Variants in PDZRN4 observed in about 807,000 individuals in gnomAD.
PDZRN4 encodes the protein PDZ domain-containing RING finger protein 4.
In PDZRN4, 70 loss-of-function variants were observed where a neutral mutation model predicts 99.0. The observed-to-expected ratio is 0.71, with a 90% CI of 0.58 to 0.86. The LOEUF is 0.86. Ranked by LOEUF, PDZRN4 falls within the 40% of genes least tolerant of loss-of-function variation. The pLI is 0.00. For missense variants in PDZRN4, 1,474 were observed against 1,331.2 expected (o/e 1.11, Z -1.67); for synonymous variants, 551 against 501.6 (o/e 1.10, Z -1.32).
chr12:41,571,368 TCTCTCTCTCACACA>T (rs1191829178), intron 9 of PDZRN4, among the ~76,000 whole-genome samples: 25 of 96,882 alleles, frequency 2.6e-4, no homozygotes, highest in African/African-American at 1.7e-4. Flanking sequence ...TCTCTCTCTC[TCTCTCTCTCACACA>T]CACACACACA....
At chr12:41,306,371 T>C (rs1951569606) in intron 3 of PDZRN4, among the ~76,000 whole-genome samples, 1 of 152,232 alleles carries the variant, frequency 6.6e-6, no homozygotes, top group African/African-American at 2.4e-5. Flanking sequence ...GGGGCCATTC[T>C]TTCCTTTTCT....
At chr12:41,384,831 C>T (rs1354906487) in intron 3 of PDZRN4, among the ~76,000 whole-genome samples, 1 of 152,144 alleles carries the variant, frequency 6.6e-6, no homozygotes. Context: ...GAAGTAACAG[C>T]AATGCCCAAC....
rs79979060 is a variant in PDZRN4, at chr12:41,235,285, G to T, written c.843+41097G>T. Among the ~76,000 whole-genome samples, 429 of 152,132 alleles carry T rather than the reference G, an allele frequency of 2.8e-3. 7 individuals carry two copies. In the East Asian group the frequency reaches 0.028, roughly 10 times the overall value. On this transcript the variant is annotated intron_variant, in intron 3 of 9. Transcript: ENST00000402685. ...TCACCTGATGTATTATTGTGCCATT[G>T]TGTTTCTTTTGCAACAATATATACC...
chr12:41,207,928 C>A, intron 3 of PDZRN4, among the ~76,000 whole-genome samples: 1 of 147,692 alleles, frequency 6.8e-6, no homozygotes, highest in Admixed American at 7.0e-5. Context: ...AATTGAATTA[C>A]AGTATTAGCC....
intron 3 of PDZRN4, among the ~76,000 whole-genome samples, chr12:41,390,195 C>A (rs1952199926): frequency 6.6e-6 from 1 of 152,036 alleles, no homozygotes; most frequent in Non-Finnish European, 1.5e-5. Flanking sequence ...ATTTATTAGA[C>A]TTTAAGAGCA....
intron 3 of PDZRN4, among the ~76,000 whole-genome samples, chr12:41,456,068 T>G (rs1310236161): frequency 6.6e-6 from 1 of 152,216 alleles, no homozygotes; most frequent in Admixed American, 6.5e-5. Context: ...TAAGCCCACA[T>G]TTTCTCTCAA....
chr12:41,267,274 C>T (rs781659431), intron 3 of PDZRN4, among the ~76,000 whole-genome samples: 2 of 152,080 alleles, frequency 1.3e-5, no homozygotes, highest in Non-Finnish European at 2.9e-5. Flanking sequence ...CCCTCCTGTG[C>T]CTGTGGCAGA....
chr12:41,463,797 A>G (rs1467745178), intron 3 of PDZRN4, among the ~76,000 whole-genome samples: 1 of 152,212 alleles, frequency 6.6e-6, no homozygotes, highest in Non-Finnish European at 1.5e-5. Flanking sequence ...ATTTATTATC[A>G]GAAAACAACT....
At chr12:41,199,195 A>G (rs1950798509) in intron 3 of PDZRN4, among the ~76,000 whole-genome samples, 1 of 152,200 alleles carries the variant, frequency 6.6e-6, no homozygotes, top group South Asian at 2.1e-4. Context: ...ACAAGTTTCT[A>G]TAGGTCACCT....
At chr12:41,545,991 T>A (rs1938943820) in intron 5 of PDZRN4, among the ~76,000 whole-genome samples, 1 of 152,022 alleles carries the variant, frequency 6.6e-6, no homozygotes, top group Non-Finnish European at 1.5e-5. Context: ...AGTGGGCGGT[T>A]TTTGTTGGAA....
At chr12:41,422,764 G>C (rs996153165) in intron 3 of PDZRN4, among the ~76,000 whole-genome samples, 3 of 152,142 alleles carry the variant, frequency 2.0e-5, no homozygotes, top group African/African-American at 7.2e-5. Context: ...AGATTTGGGT[G>C]GGGACACAGA....
chr12:41,353,207 T>A (rs1366418322), intron 3 of PDZRN4, among the ~76,000 whole-genome samples: 1 of 152,156 alleles, frequency 6.6e-6, no homozygotes, highest in Non-Finnish European at 1.5e-5. Flanking sequence ...TTGCAATGAC[T>A]GAATGCACCA....
intron 3 of PDZRN4, among the ~76,000 whole-genome samples, chr12:41,323,215 AT>A (rs1331044173): frequency 3.3e-5 from 5 of 152,194 alleles, no homozygotes; most frequent in African/African-American, 1.2e-4. Flanking sequence ...CAGGAGGACT[AT>A]GCTGGAACAG....
At chr12:41,284,901 A>C (rs980804795) in intron 3 of PDZRN4, among the ~76,000 whole-genome samples, 4 of 152,200 alleles carry the variant, frequency 2.6e-5, no homozygotes, top group Admixed American at 2.0e-4. Context: ...AAACCTTAAA[A>C]ACCCTAGAAG....
At chr12:41,422,652 A>G (rs954524468) in intron 3 of PDZRN4, among the ~76,000 whole-genome samples, 1 of 152,062 alleles carries the variant, frequency 6.6e-6, no homozygotes, top group Admixed American at 6.6e-5. Flanking sequence ...CTCTCCGAAG[A>G]ACTCACTTAC....
chr12:41,242,780 G>A (rs774045787), intron 3 of PDZRN4, among the ~76,000 whole-genome samples: 22 of 152,054 alleles, frequency 1.4e-4, no homozygotes, highest in African/African-American at 5.1e-4. Context: ...CCCTTAACAC[G>A]TTGGAGAGGA....
At chr12:41,316,315 G>C (rs1262499290) in intron 3 of PDZRN4, among the ~76,000 whole-genome samples, 1 of 152,100 alleles carries the variant, frequency 6.6e-6, no homozygotes, top group Non-Finnish European at 1.5e-5. Context: ...GAAGCAATGA[G>C]GAAGAGGATC....
At chr12:41,506,131 T>C (rs965589281) in intron 3 of PDZRN4, among the ~76,000 whole-genome samples, 3 of 152,112 alleles carry the variant, frequency 2.0e-5, no homozygotes, top group Non-Finnish European at 4.4e-5. Flanking sequence ...ATACTTAACA[T>C]TTCTAACTAT....
At chr12:41,231,910 T>C (rs1951031542) in intron 3 of PDZRN4, among the ~76,000 whole-genome samples, 1 of 152,082 alleles carries the variant, frequency 6.6e-6, no homozygotes, top group Non-Finnish European at 1.5e-5. Context: ...ATTTTCAAAC[T>C]ACCATGGCAC....
Sources: gnomAD v4.1 joint callset for allele counts (sites outside exome capture counted in the v4.1 genomes callset) on GRCh38, gnomAD v4.1.1 for gene constraint, MANE v1.5 for transcripts, NCBI Gene and HGNC (gene_info 2026-07-23, HGNC 2026-07-21) for gene names.